PAXBP1: variants seen among roughly 807,000 people sequenced by gnomAD.
PAXBP1 encodes the protein PAX3 and PAX7 binding protein 1.
A neutral mutation model predicts 119.9 loss-of-function variants in PAXBP1; 44 were observed. That is an observed-to-expected ratio of 0.37 (90% CI 0.29 to 0.47). The LOEUF (loss-of-function observed/expected upper bound fraction) is 0.47. PAXBP1 is among the 20% of genes least tolerant of loss of function. PAXBP1 has a pLI of 0.99. For synonymous variants in PAXBP1, 393 were observed against 406.6 expected, an observed-to-expected ratio of 0.97 and a Z score of 0.40; for missense variants, 898 against 1,134.1, an observed-to-expected ratio of 0.79 and a Z score of 2.99.
At chr21:32,765,841 T>C (rs536722964) in intron 2 of PAXBP1, among the ~76,000 whole-genome samples, 18 of 152,246 alleles carry the variant, frequency 1.2e-4, no homozygotes, top group African/African-American at 4.3e-4. Context: ...TATTTCCTTT[T>C]GCTCTAAACC....
intron 17 of PAXBP1, among the ~76,000 whole-genome samples, chr21:32,736,808 T>C (rs1949760681): frequency 1.3e-5 from 2 of 152,214 alleles, no homozygotes; most frequent in South Asian, 4.1e-4. Context: ...ACTCACTCTT[T>C]TCTTACAACC....
chr21:32,742,367 C>T (rs2043799833), intron 15 of PAXBP1: 1 of 152,190 alleles, frequency 6.6e-6, no homozygotes, highest in African/African-American at 2.4e-5. Context: ...TACTTGCTCA[C>T]TCCAGCTGTC....
intron 10 of PAXBP1, 87 bp downstream of exon 10, chr21:32,750,830 T>TGAA: frequency 1.0e-6 from 1 of 984,786 alleles, no homozygotes; most frequent in Non-Finnish European, 1.5e-6. Flanking sequence ...GCAGAGACCA[T>TGAA]GAAGATTCAA....
intron 2 of PAXBP1, 93 bp downstream of exon 2, chr21:32,769,721 C>A: frequency 7.5e-7 from 1 of 1,340,824 alleles, no homozygotes; most frequent in South Asian, 1.3e-5. Context: ...CCACAGGGTC[C>A]ACTGAATGAG....
rs746856382 is a variant in PAXBP1, at chr21:32,737,427, TA to T, written c.2482-20del. Reference sequence around the variant, plus strand: ...TGATTACCTGTGGAGAAGAAAGACGTAAAATAAAATAGTTAAGACAGAATAA... The same window carrying T: ...TGATTACCTGTGGAGAAGAAAGACGTAAATAAAATAGTTAAGACAGAATAA... On this transcript the variant is annotated intron_variant, in intron 16 of 17. Transcript: ENST00000331923. The T allele has an allele frequency of 6.3e-7, 1 of 1,582,908 alleles. No homozygotes were observed. The highest frequency in any genetic ancestry group is 1.4e-5 in the African/African-American group (1 of 73,266).
chr21:32,737,451 T>C, intron 16 of PAXBP1, 43 bp from the exon 17 acceptor site: 2 of 1,526,580 alleles, frequency 1.3e-6, no homozygotes, highest in Non-Finnish European at 1.8e-6. Context: ...TAAGACAGAA[T>C]AAATTAAAGT....
intron 16 of PAXBP1, among the ~76,000 whole-genome samples, chr21:32,737,687 G>A (rs112993240): frequency 1.8e-3 from 270 of 152,210 alleles, no homozygotes; most frequent in Middle Eastern, 6.8e-3. Context: ...ACAACCAACT[G>A]CTTCATTTTC....
intron 2 of PAXBP1, among the ~76,000 whole-genome samples, chr21:32,764,819 A>G (rs2146521137): frequency 6.6e-6 from 1 of 152,326 alleles, no homozygotes; most frequent in Admixed American, 6.5e-5. Context: ...TAATTTTATC[A>G]AAATGTCAAC....
At chr21:32,744,991 G>A in intron 12 of PAXBP1, 78 bp from the exon 13 acceptor site, 1 of 1,400,978 alleles carries the variant, frequency 7.1e-7, no homozygotes, top group Non-Finnish European at 9.8e-7. Context: ...CTCTATTAAT[G>A]CCAATCCTAA....
At chr21:32,741,278 C>T (rs1436993912) in intron 15 of PAXBP1, 2 of 337,562 alleles carry the variant, frequency 5.9e-6, no homozygotes, top group Non-Finnish European at 1.1e-5. Flanking sequence ...ATGTCGGGGC[C>T]AAGGGAAGGC....
chr21:32,736,298 C>T (rs2043691504), intron 17 of PAXBP1, among the ~76,000 whole-genome samples: 1 of 152,158 alleles, frequency 6.6e-6, no homozygotes, highest in South Asian at 2.1e-4. Flanking sequence ...AAGCAATTCC[C>T]CTGCCTCAGC....
chr21:32,771,380 C>T lies in PAXBP1; in HGVS notation c.289G>A (p.Glu97Lys). 1 of 1,581,228 alleles carries T rather than the reference C, an allele frequency of 6.3e-7. No homozygotes were observed. Among genetic ancestry groups the T allele is most frequent in the Non-Finnish European group, 8.5e-7 (1 of 1,171,734 alleles). The change falls in exon 1 of 18, where the codon GAG becomes AAG. Residue 97 changes from glutamate (E) to lysine (K), a missense_variant. Glu to Lys is a moderately conservative substitution (Grantham distance 56). This residue lies in a region of PAXBP1 where 299 missense variants were observed against 281.4 expected (regional missense o/e 1.06). Transcript: ENST00000331923. ...CTGGCCCGGGGCACCTCTTTGTTCT[C>T]GCGAGGCCTCTTGCGCGGCTTCAGC... is the stretch of plus-strand genomic sequence containing the variant. ...NGLKPRKRPR[E>K]NKEVPRASLL... is the part of the protein sequence containing the mutation.
At chr21:32,764,626 A>G in intron 2 of PAXBP1, 102 bp from the exon 3 acceptor site, 1 of 870,302 alleles carries the variant, frequency 1.1e-6, no homozygotes, top group Non-Finnish European at 1.7e-6. Context: ...TTAATTAAAA[A>G]AAGGGGAACT....
At position 32,764,449 on chromosome 21, in the gene PAXBP1, C is replaced by G. The variant is rs1386922856; in HGVS notation, c.548G>C (p.Gly183Ala). Residue 183 changes from glycine (G) to alanine (A), a missense_variant, in exon 3 of 18, where the codon GGT (glycine) becomes GCT (alanine). Coordinates refer to ENST00000331923, the MANE Select transcript of PAXBP1 (RefSeq NM_016631.4). ...QEDGVIISEH[G>A]EDEMDMESEK... ...ACTTTCCATATCCATTTCATCTTCA[C>G]CATGTTCACTGATGATAACTCCATC... is the stretch of plus-strand genomic sequence containing the variant. 3.1e-6 allele frequency: 5 copies of G among 1,613,644 alleles called. No individual in the cohort carries two copies. Among genetic ancestry groups the G allele is most frequent in the Non-Finnish European group, 4.2e-6 (5 of 1,179,810 alleles).
intron 11 of PAXBP1, among the ~76,000 whole-genome samples, chr21:32,747,799 T>C (rs2043896776): frequency 6.6e-6 from 1 of 151,878 alleles, no homozygotes. Context: ...TCTTTTTTTT[T>C]TTTTCTTGTG....
At position 32,755,523 on chromosome 21, in the gene PAXBP1, CA is replaced by C. The variant is rs1030924577; in HGVS notation, c.1384-171del. The C allele has an allele frequency of 4.1e-6, 3 of 728,630 alleles. No homozygotes were observed. In the Admixed American group the frequency reaches 1.0e-4, roughly 25 times the overall value. The allele number at this position is 728,630 out of a possible 1,614,324, so 45.1% of individuals were successfully genotyped here. ...ATTCTGTTTTATGTTTGGGAAACGACACTTCTTCTTTTAATCCATGCATAGA... is the reference window on the plus strand; with the variant it reads ...ATTCTGTTTTATGTTTGGGAAACGACCTTCTTCTTTTAATCCATGCATAGA... On this transcript the variant is annotated intron_variant, in intron 7 of 17. Transcript: ENST00000331923.
chr21:32,752,051 C>T (rs564086221), intron 8 of PAXBP1: 1 of 152,358 alleles, frequency 6.6e-6, no homozygotes, highest in East Asian at 1.9e-4. Flanking sequence ...AATCTGTTTA[C>T]AGAAAACTTG....
At chr21:32,751,345 TA>T in intron 8 of PAXBP1, 127 bp from the exon 9 acceptor site, 1 of 762,878 alleles carries the variant, frequency 1.3e-6, no homozygotes, top group Non-Finnish European at 2.1e-6. Flanking sequence ...CAATAACTGG[TA>T]AACCAGGTAG....
chr21:32,746,065 T>C (rs892501853), intron 11 of PAXBP1, among the ~76,000 whole-genome samples: 2 of 152,172 alleles, frequency 1.3e-5, no homozygotes, highest in Non-Finnish European at 2.9e-5. Flanking sequence ...GCTAGCCATA[T>C]ACAGAAAATT....
Sources: allele counts gnomAD v4.1 joint callset (sites outside exome capture counted in the v4.1 genomes callset), GRCh38; gene constraint gnomAD v4.1.1; regional missense constraint gnomAD v4.1.1; transcripts MANE v1.5; gene names NCBI Gene and HGNC (gene_info 2026-07-23, HGNC 2026-07-21).